Variants in LINGO2 observed in about 807,000 individuals in gnomAD.
LINGO2 encodes leucine-rich repeat and immunoglobulin-like domain-containing nogo receptor-interacting protein 2.
A neutral mutation model predicts 30.6 loss-of-function variants in LINGO2; 14 were observed. The ratio of observed to expected loss-of-function variants is 0.46; its 90% CI spans 0.30 to 0.72. LINGO2 has a LOEUF of 0.72. Ranked by LOEUF, LINGO2 falls within the 30% of genes least tolerant of loss-of-function variation. The probability of loss-of-function intolerance (pLI) is 0.07; values close to 1 mark genes in which losing one functional copy is unlikely to be tolerated. For missense variants in LINGO2, 729 were observed against 751.7 expected (o/e 0.97, Z 0.35); for synonymous variants, 317 against 288.5 (o/e 1.10, Z -1.00).
chr9:29,171,366 A>G, the LINGO2 span, among the ~76,000 whole-genome samples: 25 of 152,252 alleles, frequency 1.6e-4, no homozygotes, highest in Non-Finnish European at 2.6e-4. Flanking sequence ...AGAGACATTT[A>G]AAGTCTTAGA....
intron 1 of LINGO2, among the ~76,000 whole-genome samples, chr9:28,592,196 C>T (rs1041929423): frequency 7.9e-5 from 12 of 151,802 alleles, no homozygotes; most frequent in African/African-American, 2.9e-4. Flanking sequence ...ACATTGTTTC[C>T]TTTCACAAAG....
chr9:28,363,230 C>T (rs1286889831), intron 3 of LINGO2, among the ~76,000 whole-genome samples: 1 of 152,180 alleles, frequency 6.6e-6, no homozygotes, highest in East Asian at 1.9e-4. Context: ...TCTCCAGAGC[C>T]TATGCTCTGC....
At chr9:28,263,644 C>T (rs1031851346) in intron 4 of LINGO2, among the ~76,000 whole-genome samples, 3 of 151,946 alleles carry the variant, frequency 2.0e-5, no homozygotes, top group Non-Finnish European at 4.4e-5. Flanking sequence ...ATGTGCCACC[C>T]CGCATGGAGG....
At chr9:28,733,626 G>C in the LINGO2 span, among the ~76,000 whole-genome samples, 2 of 152,190 alleles carry the variant, frequency 1.3e-5, no homozygotes, top group East Asian at 3.9e-4. Flanking sequence ...CTTTAAAATT[G>C]TGAGTGTCAC....
chr9:28,537,063 G>A (rs1383617710), intron 1 of LINGO2, among the ~76,000 whole-genome samples: 1 of 152,052 alleles, frequency 6.6e-6, no homozygotes, highest in African/African-American at 2.4e-5. Context: ...ATAACACCAT[G>A]TGAAGTTTAA....
chr9:28,332,365 C>T (rs2134350098), intron 3 of LINGO2, among the ~76,000 whole-genome samples: 2 of 152,238 alleles, frequency 1.3e-5, no homozygotes, highest in South Asian at 4.1e-4. Context: ...TGAGCTTCCT[C>T]TTTGACCCTT....
At chr9:28,003,607 G>A (rs1055284383) in intron 5 of LINGO2, among the ~76,000 whole-genome samples, 17 of 152,002 alleles carry the variant, frequency 1.1e-4, no homozygotes, top group East Asian at 1.9e-4. Context: ...GACTACAGGC[G>A]CCTGCCACCA....
At chr9:28,700,024 CT>C in the LINGO2 span, among the ~76,000 whole-genome samples, 2 of 151,982 alleles carry the variant, frequency 1.3e-5, no homozygotes, top group Non-Finnish European at 2.9e-5. Flanking sequence ...AAGCAGTGAT[CT>C]TTGTTTTCCT....
chr9:29,185,591 G>A, the LINGO2 span, among the ~76,000 whole-genome samples: 3 of 152,090 alleles, frequency 2.0e-5, no homozygotes, highest in Non-Finnish European at 4.4e-5. Flanking sequence ...ATTTTGCAAA[G>A]GTCATTTGTA....
intron 4 of LINGO2, among the ~76,000 whole-genome samples, chr9:28,193,011 A>G (rs998891546): frequency 6.6e-6 from 1 of 152,176 alleles, no homozygotes; most frequent in Non-Finnish European, 1.5e-5. Context: ...GTCATAACGT[A>G]TAGTGCTGAA....
rs151191100 is a variant in LINGO2 at position 28,389,295 on chromosome 9, A to C, written c.-278-16427T>G. On this transcript the variant is annotated intron_variant, in intron 2 of 5. Transcript: ENST00000379992. ...GCCACTTATCAATGTATCTAGGAAGAGCTATGTTATAAAGACAAGATAATG... is the reference window on the plus strand; with the variant it reads ...GCCACTTATCAATGTATCTAGGAAGCGCTATGTTATAAAGACAAGATAATG... 1.0e-3 allele frequency among the ~76,000 whole-genome samples: 155 copies of C among 152,230 alleles called. 1 individual carries two copies. In the East Asian group the frequency reaches 0.026, roughly 25 times the overall value.
chr9:28,537,169 C>T (rs2135447780), intron 1 of LINGO2, among the ~76,000 whole-genome samples: 1 of 152,188 alleles, frequency 6.6e-6, no homozygotes, highest in South Asian at 2.1e-4. Context: ...AATACTCTCC[C>T]AAACAGACCT....
intron 1 of LINGO2, among the ~76,000 whole-genome samples, chr9:28,540,644 T>G (rs1821649412): frequency 6.6e-6 from 1 of 152,160 alleles, no homozygotes; most frequent in Non-Finnish European, 1.5e-5. Context: ...TCATAACAGT[T>G]TTCAATGTGT....
At chr9:28,320,531 C>T (rs1462545799) in intron 3 of LINGO2, among the ~76,000 whole-genome samples, 1 of 152,124 alleles carries the variant, frequency 6.6e-6, no homozygotes, top group Non-Finnish European at 1.5e-5. Flanking sequence ...ATTAGACTTA[C>T]TTATGAATTG....
chr9:28,875,387 G>C, the LINGO2 span, among the ~76,000 whole-genome samples: 1 of 151,820 alleles, frequency 6.6e-6, no homozygotes, highest in African/African-American at 2.4e-5. Context: ...TAAATAGCAT[G>C]GTATTTCATC....
chr9:28,597,948 A>G, intron 1 of LINGO2, among the ~76,000 whole-genome samples: 1 of 151,998 alleles, frequency 6.6e-6, no homozygotes, highest in Non-Finnish European at 1.5e-5. Flanking sequence ...TATTTTTAGT[A>G]GAGAAGGGGC....
At chr9:28,798,596 A>G in the LINGO2 span, among the ~76,000 whole-genome samples, 8 of 152,132 alleles carry the variant, frequency 5.3e-5, no homozygotes, top group Admixed American at 1.3e-4. Context: ...AGTATAAAAT[A>G]TTAGTCTAAG....
chr9:28,419,214 C>A (rs953564284), intron 2 of LINGO2, among the ~76,000 whole-genome samples: 1 of 151,930 alleles, frequency 6.6e-6, no homozygotes, highest in African/African-American at 2.4e-5. Flanking sequence ...TCATTTTTTC[C>A]GATCAGCAAA....
At chr9:28,684,175 CTTTTTTTTT>C in the LINGO2 span, among the ~76,000 whole-genome samples, 9 of 45,428 alleles carry the variant, frequency 2.0e-4, no homozygotes, top group Non-Finnish European at 3.0e-4. Context: ...AAATGTTTAT[CTTTTTTTTT>C]TTTTTTTTTT....
Sources: gnomAD v4.1 joint callset for allele counts (sites outside exome capture counted in the v4.1 genomes callset) on GRCh38, gnomAD v4.1.1 for gene constraint, MANE v1.5 for transcripts, NCBI Gene and HGNC (gene_info 2026-07-23, HGNC 2026-07-21) for gene names.